Variants in USP34 observed in about 807,000 individuals in gnomAD.
USP34 encodes ubiquitin carboxyl-terminal hydrolase 34.
Under a neutral mutation model 460.3 loss-of-function variants are expected in USP34, and 70 were observed. The ratio of observed to expected loss-of-function variants is 0.15; its 90% CI spans 0.13 to 0.19. USP34 has a LOEUF of 0.19. USP34 is among the 10% of genes least tolerant of loss of function. The pLI, the probability that USP34 is intolerant of heterozygous loss-of-function variation, is 1.00. For synonymous variants in USP34, 1,647 were observed against 1,405.3 expected (o/e 1.17, Z -3.85); for missense variants, 3,985 against 4,236.2 (o/e 0.94, Z 1.65).
intron 51 of USP34, 63 bp from the exon 52 acceptor site, chr2:61,241,882 T>A (rs1242403420): frequency 1.2e-6 from 1 of 854,642 alleles, no homozygotes; most frequent in Non-Finnish European, 1.7e-6. Context: ...TATATTTATA[T>A]ATAAATTATT....
rs1687349387 is a variant in USP34 at position 61,214,570 on chromosome 2, T to C, written c.8172A>G (p.Leu2724=). The C allele has an allele frequency of 1.9e-6, 3 of 1,613,724 alleles. No individual in the cohort carries two copies. Among genetic ancestry groups the C allele is most frequent in the South Asian group, 1.1e-5 (1 of 91,004 alleles). The change falls in exon 68 of 80, where the codon CTA becomes CTG. Residue 2724 remains leucine, a synonymous_variant. Coordinates refer to ENST00000398571, the MANE Select transcript of USP34 (RefSeq NM_014709.4). ...LPLSPDTTVV[L]HQVYNVLLGL... ...CAAGGAGCACGTTGTAGACCTGATG[T>C]AGGACTACTGTTGTGTCTGGACTGA...
chr2:61,362,297 C>A (rs1453141328), intron 10 of USP34, among the ~76,000 whole-genome samples: 1 of 152,144 alleles, frequency 6.6e-6, no homozygotes. Flanking sequence ...GATCCACAAT[C>A]CCACTTTGGA....
intron 2 of USP34, among the ~76,000 whole-genome samples, chr2:61,407,344 G>C (rs1693905330): frequency 6.6e-6 from 1 of 152,198 alleles, no homozygotes; most frequent in Non-Finnish European, 1.5e-5. Context: ...CTGAGTGACA[G>C]AGCAAAACCA....
At chr2:61,290,833 A>C (rs563367856) in intron 33 of USP34, among the ~76,000 whole-genome samples, 6 of 152,288 alleles carry the variant, frequency 3.9e-5, no homozygotes, top group Non-Finnish European at 7.4e-5. Flanking sequence ...AGACCTAAAA[A>C]AGTGAGAGCT....
intron 1 of USP34, among the ~76,000 whole-genome samples, chr2:61,463,856 C>G (rs1182928995): frequency 6.6e-6 from 1 of 151,778 alleles, no homozygotes. Context: ...AAACTCTTAG[C>G]CTAATCTGGG....
intron 35 of USP34, 94 bp from the exon 36 acceptor site, chr2:61,283,543 TC>T (rs937704970): frequency 1.1e-5 from 15 of 1,355,716 alleles, no homozygotes; most frequent in Admixed American, 1.1e-4. Flanking sequence ...GGTTATCACT[TC>T]CCCCCCAAAA....
intron 65 of USP34, chr2:61,221,987 GAACAC>G: frequency 6.3e-6 from 1 of 158,620 alleles, no homozygotes; most frequent in East Asian, 1.8e-4. Context: ...TTTTTTGTCA[GAACAC>G]TTAAAATCTA....
rs115496263 is a variant in USP34, at chr2:61,276,196, G to A, written c.5433+1969C>T. 5.7e-3 allele frequency among the ~76,000 whole-genome samples: 861 copies of A among 152,270 alleles called. 7 individuals carry two copies. Among genetic ancestry groups the A allele is most frequent in the African/African-American group, 0.019 (785 of 41,562 alleles). On this transcript the variant is annotated intron_variant, in intron 41 of 79. Transcript: ENST00000398571. ...CTTGAAAAAGGCATTCTCATACAGT[G>A]TGGCTACAAGTGTAAAATGATGTAT...
intron 67 of USP34, among the ~76,000 whole-genome samples, chr2:61,216,551 G>C (rs59675564): frequency 6.6e-6 from 1 of 151,834 alleles, no homozygotes; most frequent in Non-Finnish European, 1.5e-5. Flanking sequence ...AGTAAGCCGA[G>C]ATTGCGCCAC....
At chr2:61,430,716 T>A (rs1573034339) in intron 1 of USP34, among the ~76,000 whole-genome samples, 1 of 152,208 alleles carries the variant, frequency 6.6e-6, no homozygotes, top group East Asian at 1.9e-4. Flanking sequence ...GTAGAATTTT[T>A]TAAAACTGAG....
chr2:61,284,631 T>C (rs1388909401), intron 35 of USP34, among the ~76,000 whole-genome samples: 1 of 152,172 alleles, frequency 6.6e-6, no homozygotes, highest in Non-Finnish European at 1.5e-5. Flanking sequence ...AGTCATGATA[T>C]CTGCAATTCA....
chr2:61,198,340 A>G (rs1429844797), intron 75 of USP34, among the ~76,000 whole-genome samples: 1 of 152,168 alleles, frequency 6.6e-6, no homozygotes, highest in Non-Finnish European at 1.5e-5. Flanking sequence ...ATGTCTCAAT[A>G]TAGGTGAACT....
intron 48 of USP34, among the ~76,000 whole-genome samples, chr2:61,249,601 C>A (rs1688518829): frequency 6.6e-6 from 1 of 152,154 alleles, no homozygotes; most frequent in Non-Finnish European, 1.5e-5. Context: ...AGTCCCTGAG[C>A]ACTAGGCAGC....
chr2:61,378,235 A>C, intron 8 of USP34, 128 bp downstream of exon 8: 1 of 639,422 alleles, frequency 1.6e-6, no homozygotes, highest in Non-Finnish European at 2.7e-6. Context: ...CTTCATGAAG[A>C]ACTGTACACA....
Position 61,222,682 on chromosome 2 carries a change from G to A in USP34, c.7750-19C>T. On this transcript the variant is annotated intron_variant, in intron 64 of 79. Coordinates refer to ENST00000398571, the MANE Select transcript of USP34 (RefSeq NM_014709.4). ...ATACAATCTAAAACAGAAAGAGGAG[G>A]ATTTCAGGATATTCTTGTTTTGTTT... is the stretch of plus-strand genomic sequence containing the variant. 6.2e-7 allele frequency: 1 copy of A among 1,607,966 alleles called. No homozygotes were observed. The highest frequency in any genetic ancestry group is 2.2e-5 in the East Asian group (1 of 44,760).
chr2:61,325,276 TAAAA>T, intron 21 of USP34, 95 bp downstream of exon 21: 4 of 604,480 alleles, frequency 6.6e-6, no homozygotes, highest in Non-Finnish European at 1.0e-5. Flanking sequence ...TAAATTAAAC[TAAAA>T]AAAAAAAAAA....
chr2:61,420,788 T>C lies in USP34; in HGVS notation c.89A>G (p.His30Arg). ...GATATAAGTAAATATTTTGAGAGTA[T>C]GTTCCTTTCTGAGCTGCAGTCCATC... ...GGDGLQLRKE[H>R]TLKIFTYINS... The change falls in exon 2 of 80, where the codon CAT becomes CGT. Residue 30 changes from histidine to arginine, a missense_variant. Physicochemically the swap from His to Arg is conservative, Grantham distance 29. Around this residue, in one of 14 missense-constraint regions of USP34, gnomAD observed 331 missense variants for 293.7 expected, o/e 1.13. Coordinates refer to ENST00000398571, the MANE Select transcript of USP34 (RefSeq NM_014709.4). 1 of 1,611,730 alleles carries C rather than the reference T, an allele frequency of 6.2e-7. No individual in the cohort carries two copies.
intron 20 of USP34, 117 bp from the exon 21 acceptor site, chr2:61,325,574 T>A: frequency 5.6e-6 from 3 of 534,496 alleles, no homozygotes; most frequent in Non-Finnish European, 6.0e-6. Context: ...CATAATTATT[T>A]TAACTAAGTA....
chr2:61,461,840 A>C (rs928609513), intron 1 of USP34, among the ~76,000 whole-genome samples: 3 of 152,244 alleles, frequency 2.0e-5, no homozygotes, highest in African/African-American at 7.2e-5. Context: ...CCAGGGATGT[A>C]GATAAAAGAT....
Sources: gnomAD v4.1 joint callset for allele counts (sites outside exome capture counted in the v4.1 genomes callset) on GRCh38, gnomAD v4.1.1 for gene constraint, gnomAD v4.1.1 regional missense constraint, MANE v1.5 for transcripts, NCBI Gene and HGNC (gene_info 2026-07-23, HGNC 2026-07-21) for gene names.